Variants in INSYN2A observed in about 807,000 individuals in gnomAD.
INSYN2A encodes the protein inhibitory synaptic factor 2A, also known as family with sequence similarity 196 member A.
INSYN2A carries 17 observed loss-of-function variants against 39.4 expected under a neutral mutation model. The observed-to-expected ratio is 0.43, with a 90% confidence interval of 0.30 to 0.65. INSYN2A has a LOEUF of 0.65. Ranked by LOEUF, INSYN2A falls within the 30% of genes least tolerant of loss-of-function variation. The pLI, the probability that INSYN2A is intolerant of heterozygous loss-of-function variation, is 0.14. For synonymous variants in INSYN2A, 255 were observed against 265.7 expected, an observed-to-expected ratio of 0.96 and a Z score of 0.39; for missense variants, 595 against 631.2, an observed-to-expected ratio of 0.94 and a Z score of 0.61.
intron 5 of INSYN2A, chr10:127,146,022 A>G (rs779795335): frequency 3.9e-6 from 2 of 518,126 alleles, no homozygotes; most frequent in South Asian, 1.4e-5. Context: ...TCTATTCCCC[A>G]TGGAATTTCA....
intron 5 of INSYN2A, chr10:127,146,099 ACT>A: frequency 2.0e-6 from 1 of 509,616 alleles, no homozygotes. Context: ...AAATCTCCAT[ACT>A]CATCTAAACA....
At chr10:127,166,231 A>G (rs1164488209) in intron 4 of INSYN2A, among the ~76,000 whole-genome samples, 1 of 151,992 alleles carries the variant, frequency 6.6e-6, no homozygotes, top group Non-Finnish European at 1.5e-5. Flanking sequence ...ACGCCCAGCT[A>G]ATTTTTTTTA....
At chr10:127,180,480 G>A (rs541455342) in intron 2 of INSYN2A, among the ~76,000 whole-genome samples, 5 of 152,302 alleles carry the variant, frequency 3.3e-5, no homozygotes, top group Admixed American at 6.5e-5. Context: ...GCTAGTCATG[G>A]TTGTGCCTGT....
At chr10:127,143,956 G>C (rs1018874738) in intron 5 of INSYN2A, among the ~76,000 whole-genome samples, 1 of 152,096 alleles carries the variant, frequency 6.6e-6, no homozygotes, top group Non-Finnish European at 1.5e-5. Context: ...GACTCAGCCT[G>C]CAGCCCCCAT....
chr10:127,168,908 G>A (rs575763521), intron 4 of INSYN2A, among the ~76,000 whole-genome samples: 1 of 152,306 alleles, frequency 6.6e-6, no homozygotes, highest in African/African-American at 2.4e-5. Flanking sequence ...TTGTGATGCA[G>A]TATTTATTCT....
At chr10:127,156,717 C>T (rs562275273) in intron 4 of INSYN2A, among the ~76,000 whole-genome samples, 13 of 151,976 alleles carry the variant, frequency 8.6e-5, no homozygotes, top group African/African-American at 2.4e-4. Context: ...TACAGGCATA[C>T]GCCACCACTC....
chr10:127,180,238 G>C (rs865868802), intron 2 of INSYN2A, among the ~76,000 whole-genome samples: 12 of 152,202 alleles, frequency 7.9e-5, no homozygotes, highest in Admixed American at 1.3e-4. Context: ...CGGTAACACA[G>C]TGGGTGTTGG....
At chr10:127,180,633 T>G (rs777800217) in intron 2 of INSYN2A, among the ~76,000 whole-genome samples, 1 of 152,242 alleles carries the variant, frequency 6.6e-6, no homozygotes, top group Non-Finnish European at 1.5e-5. Context: ...CATCTCTGCA[T>G]GCTGCTTTAA....
chr10:127,190,051 G>T (rs1401848252), intron 2 of INSYN2A, among the ~76,000 whole-genome samples: 1 of 152,112 alleles, frequency 6.6e-6, no homozygotes, highest in Non-Finnish European at 1.5e-5. Context: ...TCAGCATTTG[G>T]GTTATAAGAA....
In INSYN2A at chr10:127,175,375, C is replaced by G; in HGVS notation, c.1021G>C (p.Ala341Pro). Residue 341 changes from alanine (A) to proline (P), a missense_variant, in exon 4 of 6, where the codon GCT becomes CCT. Ala to Pro is a conservative substitution (Grantham distance 27). Transcript: ENST00000522781. This position sits in a 1 kb window ranked among gnomAD's most constrained non-coding sequence, Gnocchi z 6.3. ...ATTCGTTGGCATTCTTCACCTGCAG[C>G]AACCGCTGTGGGACTAGGCTGGTTC... ...LGNQPSPTAV[A>P]AGEECQRIVP... The G allele has an allele frequency of 6.2e-7, 1 of 1,614,044 alleles. No individual in the cohort carries two copies. Among genetic ancestry groups the G allele is most frequent in the Non-Finnish European group, 8.5e-7 (1 of 1,180,044 alleles).
chr10:127,174,397 G>A (rs1013882660), intron 4 of INSYN2A, among the ~76,000 whole-genome samples: 2 of 152,150 alleles, frequency 1.3e-5, no homozygotes, highest in African/African-American at 2.4e-5. Flanking sequence ...AGCACATGCC[G>A]GCCTGTAGGA....
rs763035367 is a variant in INSYN2A, at chr10:127,137,934, G to A, written c.1343C>T (p.Pro448Leu). 3.7e-6 allele frequency: 6 copies of A among 1,614,026 alleles called. No homozygotes were observed. The highest frequency in any genetic ancestry group is 1.1e-5 in the South Asian group (1 of 91,078). The change falls in exon 6 of 6, where the codon CCT becomes CTT. Residue 448 changes from proline (P) to leucine (L), a missense_variant. Pro to Leu is a moderately conservative substitution (Grantham distance 98). This residue lies in a region of INSYN2A where 117 missense variants were observed against 163.8 expected (regional missense o/e 0.71). Transcript: ENST00000522781. ...LHPIEETQVI[P>L]SPYSQETYSS... ...GTAAGTCTCCTGAGAGTAAGGCGAA[G>A]GTATGACCTGAGTTTCCTCAATAGG... is the stretch of plus-strand genomic sequence containing the variant.
intron 5 of INSYN2A, among the ~76,000 whole-genome samples, chr10:127,152,536 G>T (rs1031182243): frequency 6.6e-6 from 1 of 152,166 alleles, no homozygotes; most frequent in South Asian, 2.1e-4. Flanking sequence ...ACACTCTAAG[G>T]TGGGGGTGGT....
intron 4 of INSYN2A, among the ~76,000 whole-genome samples, chr10:127,168,583 T>C (rs899625611): frequency 6.6e-6 from 1 of 152,198 alleles, no homozygotes; most frequent in Admixed American, 6.5e-5. Context: ...CCACCTCCTC[T>C]CCTCAAAATT....
intron 4 of INSYN2A, among the ~76,000 whole-genome samples, chr10:127,168,222 A>C (rs936850524): frequency 6.6e-6 from 1 of 152,212 alleles, no homozygotes; most frequent in Non-Finnish European, 1.5e-5. Flanking sequence ...AACCAAGTGC[A>C]TGGGAGGCTG....
chr10:127,146,186 C>A, intron 5 of INSYN2A: 1 of 333,366 alleles, frequency 3.0e-6, no homozygotes, highest in Non-Finnish European at 5.9e-6. Flanking sequence ...TAAATGCCTC[C>A]TTAACTTTGA....
intron 5 of INSYN2A, among the ~76,000 whole-genome samples, chr10:127,149,272 A>G (rs944370833): frequency 6.7e-6 from 1 of 150,186 alleles, no homozygotes; most frequent in African/African-American, 2.4e-5. Context: ...GAGAGAGGGC[A>G]GAGAAGCTCA....
Position 127,178,369 on chromosome 10 carries a change from G to T in INSYN2A, c.-268-1230C>A, listed in dbSNP as rs561258676. Among the ~76,000 whole-genome samples the T allele has an allele frequency of 1.6e-3, 243 of 152,350 alleles. 4 individuals are homozygous for T. The highest frequency in any genetic ancestry group is 2.5e-3 in the Non-Finnish European group (171 of 68,032). ...AATCCTGGCACTACTGGTATTTCAGGATGGATCATTTGCTGTTGGAGGGGC... is the reference window on the plus strand; with the variant it reads ...AATCCTGGCACTACTGGTATTTCAGTATGGATCATTTGCTGTTGGAGGGGC... On this transcript the variant is annotated intron_variant, in intron 2 of 5. Transcript: ENST00000522781.
intron 2 of INSYN2A, among the ~76,000 whole-genome samples, chr10:127,187,636 C>G (rs1589843877): frequency 6.6e-6 from 1 of 151,868 alleles, no homozygotes; most frequent in Non-Finnish European, 1.5e-5. Context: ...AAGCATTTTT[C>G]CTTAAGGGCT....
Sources: gnomAD v4.1 joint callset for allele counts (sites outside exome capture counted in the v4.1 genomes callset) on GRCh38, gnomAD v4.1.1 for gene constraint, gnomAD v4.1.1 regional missense constraint, Gnocchi (gnomAD v3.1) non-coding constraint, MANE v1.5 for transcripts, NCBI Gene and HGNC (gene_info 2026-07-23, HGNC 2026-07-21) for gene names.